RFWD3: variants seen among roughly 807,000 people sequenced by gnomAD.
RFWD3 encodes the protein ring finger and WD repeat domain 3.
Under a neutral mutation model 87.7 loss-of-function variants are expected in RFWD3, and 65 were observed. That is an observed-to-expected ratio of 0.74 (90% CI 0.61 to 0.91). The LOEUF (loss-of-function observed/expected upper bound fraction) is 0.91, where lower values mean the gene tolerates loss of function less well. RFWD3 is among the 40% of genes least tolerant of loss of function. The pLI, the probability that RFWD3 is intolerant of heterozygous loss-of-function variation, is 0.00. For missense variants in RFWD3, 1,078 were observed against 938.5 expected (o/e 1.15, Z -1.94); for synonymous variants, 433 against 352.8 (o/e 1.23, Z -2.55).
rs1488129897 is a variant in RFWD3, at chr16:74,622,148, AC to A, written c.*1779del. On this transcript the variant is annotated 3_prime_UTR_variant, in exon 13 of 13. Coordinates refer to ENST00000361070, the MANE Select transcript of RFWD3 (RefSeq NM_018124.4). ...AGACAAAGCCAGCCAGGACCTGACC[AC>A]CTGTATCCTCTTGGTGGCAATCTGC... 1 of 151,984 alleles carries A rather than the reference AC, an allele frequency of 6.6e-6. No individual in the cohort carries two copies. Among genetic ancestry groups the A allele is most frequent in the Non-Finnish European group, 1.5e-5 (1 of 67,988 alleles). The allele number at this position is 151,984 out of a possible 1,614,324, so 9.4% of individuals were successfully genotyped here.
At chr16:74,656,086 G>C (rs1182070079) in intron 2 of RFWD3, among the ~76,000 whole-genome samples, 1 of 152,006 alleles carries the variant, frequency 6.6e-6, no homozygotes, top group Non-Finnish European at 1.5e-5. Context: ...GCCAGACACA[G>C]TGGCTCACAC....
chr16:74,623,577 G>A lies in RFWD3; in HGVS notation c.*351C>T. On this transcript the variant is annotated 3_prime_UTR_variant, in exon 13 of 13. Transcript: ENST00000361070. ...TCATATTCCCCAGAAAATGCTTGAT[G>A]CCCACTCACATCCTAGATGATGAGA... The A allele has an allele frequency of 5.3e-6, 1 of 188,764 alleles. No individual in the cohort carries two copies. Among genetic ancestry groups the A allele is most frequent in the Non-Finnish European group, 1.1e-5 (1 of 92,132 alleles). 11.7% of individuals were successfully genotyped at this position (188,764 alleles called of 1,614,324 possible).
rs867099561 is a variant in RFWD3 at position 74,622,358 on chromosome 16, C to T, written c.*1570G>A. ...TTCAAATAGGGGCCGGGTGCAGTGG[C>T]TCACGCCTATAATTTTGGCACTTTA... On this transcript the variant is annotated 3_prime_UTR_variant, in exon 13 of 13. Transcript: ENST00000361070. 1 of 152,356 alleles carries T rather than the reference C, an allele frequency of 6.6e-6. No homozygotes were observed. Among genetic ancestry groups the T allele is most frequent in the African/African-American group, 2.4e-5 (1 of 41,572 alleles). 9.4% of individuals were successfully genotyped at this position (152,356 alleles called of 1,614,324 possible).
rs1375229208 is a variant in RFWD3 at position 74,630,967 on chromosome 16, T to C, written c.1578-10A>G. On this transcript the variant is annotated splice_polypyrimidine_tract_variant and intron_variant, in intron 9 of 12. Coordinates refer to ENST00000361070, the MANE Select transcript of RFWD3 (RefSeq NM_018124.4). ...GGTATTTGTCTCCAGGCTGTGGAGT[T>C]ACAAAAGACTTTTACAACTGCATTA... The C allele has an allele frequency of 4.4e-6, 7 of 1,593,114 alleles. No homozygotes were observed. The highest frequency in any genetic ancestry group is 6.0e-6 in the Non-Finnish European group (7 of 1,174,134).
chr16:74,655,626 C>G (rs1355472657), intron 2 of RFWD3, among the ~76,000 whole-genome samples: 1 of 145,464 alleles, frequency 6.9e-6, no homozygotes, highest in Non-Finnish European at 1.5e-5. Flanking sequence ...TGTGCTCTCT[C>G]TCTTTTTTTT....
chr16:74,642,129 C>CT (rs1313244037), intron 6 of RFWD3, among the ~76,000 whole-genome samples: 62 of 151,810 alleles, frequency 4.1e-4, no homozygotes, highest in Middle Eastern at 3.4e-3. Flanking sequence ...TCTAGTGTAC[C>CT]TTTTTAAATT....
At chr16:74,653,776 C>T (rs1467063494) in intron 2 of RFWD3, among the ~76,000 whole-genome samples, 1 of 152,150 alleles carries the variant, frequency 6.6e-6, no homozygotes, top group African/African-American at 2.4e-5. Flanking sequence ...GGACTGCTTA[C>T]ACAGAAAAAT....
chr16:74,630,673 T>C (rs1174710341), intron 10 of RFWD3, 108 bp downstream of exon 10: 3 of 918,488 alleles, frequency 3.3e-6, no homozygotes, highest in Non-Finnish European at 4.6e-6. Flanking sequence ...TCAAAAAATT[T>C]GTGAGGATTT....
intron 6 of RFWD3, among the ~76,000 whole-genome samples, chr16:74,639,257 C>G (rs1416989754): frequency 6.6e-6 from 1 of 152,092 alleles, no homozygotes; most frequent in East Asian, 1.9e-4. Flanking sequence ...AGGCTGGTCT[C>G]AAACTCCTGG....
rs754795685 is a variant in RFWD3 at position 74,637,856 on chromosome 16, C to T, written c.1194G>A (p.Gln398=). The T allele has an allele frequency of 1.1e-5, 17 of 1,609,560 alleles. No individual in the cohort carries two copies. Among genetic ancestry groups the T allele is most frequent in the Admixed American group, 1.7e-5 (1 of 59,906 alleles). Residue 398 remains glutamine (Q), a splice_region_variant and synonymous_variant, in exon 7 of 13, where the codon CAG becomes CAA. Coordinates refer to ENST00000361070, the MANE Select transcript of RFWD3 (RefSeq NM_018124.4). ...DKCTRLQRRV[Q]DLQKLTSHQS... ...TTTGGATTAGAAAGGACAAACGTAC[C>T]TGAACACGCCTTTGAAGCCTAGTGC... is the stretch of plus-strand genomic sequence containing the variant.
rs766203008 is a variant in RFWD3, at chr16:74,649,178, TCTG to T, written c.743_745del (p.Ala248del). 1.3e-5 allele frequency: 21 copies of T among 1,568,178 alleles called. No homozygotes were observed. The highest frequency in any genetic ancestry group is 1.6e-5 in the Non-Finnish European group (19 of 1,165,272). On this transcript the variant is annotated inframe_deletion, in exon 4 of 13. Coordinates refer to ENST00000361070, the MANE Select transcript of RFWD3 (RefSeq NM_018124.4). Reference sequence around the variant, plus strand: ...TCCATCGATACATGTAACTTCTTGCTCTGCTGAGACACCTGCTAGTTGCTCTGC... The same window carrying T: ...TCCATCGATACATGTAACTTCTTGCTCTGAGACACCTGCTAGTTGCTCTGC...
intron 11 of RFWD3, among the ~76,000 whole-genome samples, chr16:74,627,915 T>TTA (rs1229442007): frequency 1.3e-5 from 2 of 152,220 alleles, no homozygotes; most frequent in East Asian, 3.9e-4. Context: ...TACCAGGAAT[T>TTA]TAGATTCATG....
chr16:74,649,185 A>G lies in RFWD3; in HGVS notation c.739T>C (p.Ser247Pro). ...ATACATGTAACTTCTTGCTCTGCTGAGACACCTGCTAGTTGCTCTGCCAAG... is the reference window on the plus strand; with the variant it reads ...ATACATGTAACTTCTTGCTCTGCTGGGACACCTGCTAGTTGCTCTGCCAAG... ...VILEEQLAGVSAEQEVTCIDG... is the reference protein window; with the variant it reads ...VILEEQLAGVPAEQEVTCIDG... Residue 247 changes from serine to proline, a missense_variant, in exon 4 of 13, where the codon TCA becomes CCA. By Grantham distance (74) the Ser-to-Pro change is moderately conservative. Coordinates refer to ENST00000361070, the MANE Select transcript of RFWD3 (RefSeq NM_018124.4). The G allele has an allele frequency of 6.4e-7, 1 of 1,564,992 alleles. No homozygotes were observed. Among genetic ancestry groups the G allele is most frequent in the Non-Finnish European group, 8.6e-7 (1 of 1,163,768 alleles).
chr16:74,641,130 C>G (rs1213300016), intron 6 of RFWD3, among the ~76,000 whole-genome samples: 1 of 151,998 alleles, frequency 6.6e-6, no homozygotes, highest in Admixed American at 6.6e-5. Context: ...TGGAGACAAC[C>G]TAAATGTCTA....
chr16:74,663,277 G>A (rs1414171009), intron 1 of RFWD3, among the ~76,000 whole-genome samples: 1 of 152,168 alleles, frequency 6.6e-6, no homozygotes, highest in East Asian at 1.9e-4. Context: ...GAGGGCTGAA[G>A]ACTAAAGTCA....
chr16:74,660,196 C>T (rs996617850), intron 2 of RFWD3, among the ~76,000 whole-genome samples: 1 of 152,164 alleles, frequency 6.6e-6, no homozygotes. Flanking sequence ...TTATGAGACC[C>T]TGAACAAAGC....
intron 4 of RFWD3, among the ~76,000 whole-genome samples, chr16:74,645,099 C>A (rs540894926): frequency 1.4e-4 from 22 of 152,242 alleles, no homozygotes; most frequent in African/African-American, 4.8e-4. Flanking sequence ...ACACAATGGT[C>A]AATAAGTGTT....
chr16:74,648,641 G>A (rs1356396076), intron 4 of RFWD3, among the ~76,000 whole-genome samples: 1 of 151,668 alleles, frequency 6.6e-6, no homozygotes, highest in Non-Finnish European at 1.5e-5. Flanking sequence ...GCGGGGTGGC[G>A]TGTGCCTGTA....
intron 2 of RFWD3, among the ~76,000 whole-genome samples, chr16:74,653,175 C>A: frequency 6.6e-6 from 1 of 152,026 alleles, no homozygotes. Context: ...CCCATCTCTA[C>A]AAAAAATACA....
Sources: allele counts gnomAD v4.1 joint callset (sites outside exome capture counted in the v4.1 genomes callset), GRCh38; gene constraint gnomAD v4.1.1; transcripts MANE v1.5; gene names NCBI Gene and HGNC (gene_info 2026-07-23, HGNC 2026-07-21).